The following HEPACAM2 variants were observed in gnomAD, a reference collection of about 807,000 sequenced individuals.
HEPACAM2 encodes the protein HEPACAM family member 2.
A neutral mutation model predicts 49.6 loss-of-function variants in HEPACAM2; 49 were observed. That is an observed-to-expected ratio of 0.99 (90% confidence interval 0.78 to 1.25). The LOEUF is 1.25. Ranked by LOEUF, HEPACAM2 falls within the 50% of genes most tolerant of loss-of-function variation. The probability of loss-of-function intolerance (pLI) is 0.00; values close to 1 mark genes in which losing one functional copy is unlikely to be tolerated. For synonymous variants in HEPACAM2, 197 were observed against 202.9 expected (o/e 0.97, Z 0.25); for missense variants, 525 against 557.2 (o/e 0.94, Z 0.58).
At chr7:93,210,448 AT>A (rs1187553290) in intron 3 of HEPACAM2, among the ~76,000 whole-genome samples, 2 of 152,002 alleles carry the variant, frequency 1.3e-5, no homozygotes, top group Non-Finnish European at 2.9e-5. Flanking sequence ...CTAAAAAGAA[AT>A]AAAGTATAAG....
chr7:93,202,156 G>A (rs946860761), intron 4 of HEPACAM2, among the ~76,000 whole-genome samples: 1 of 149,736 alleles, frequency 6.7e-6, no homozygotes, highest in African/African-American at 2.4e-5. Context: ...CGTATGATTT[G>A]GGCACCACTT....
At chr7:93,216,430 A>G (rs1794309699) in intron 2 of HEPACAM2, among the ~76,000 whole-genome samples, 1 of 152,228 alleles carries the variant, frequency 6.6e-6, no homozygotes, top group Admixed American at 6.5e-5. Flanking sequence ...TCATAGGAAA[A>G]TAGTCTTATT....
chr7:93,209,820 G>C (rs1021038329), intron 3 of HEPACAM2, among the ~76,000 whole-genome samples: 1 of 151,650 alleles, frequency 6.6e-6, no homozygotes, highest in Non-Finnish European at 1.5e-5. Flanking sequence ...ATTTATAAAA[G>C]ACATTGTTTC....
intron 7 of HEPACAM2, among the ~76,000 whole-genome samples, chr7:93,196,563 T>A (rs1427929784): frequency 6.6e-6 from 1 of 152,078 alleles, no homozygotes; most frequent in African/African-American, 2.4e-5. Context: ...GCACTCCACC[T>A]ATATCATTTT....
Position 93,226,424 on chromosome 7 carries a change from T to C in HEPACAM2, c.23A>G (p.Glu8Gly). The C allele has an allele frequency of 6.2e-7, 1 of 1,613,510 alleles. No individual in the cohort carries two copies. The highest frequency in any genetic ancestry group is 2.2e-5 in the East Asian group (1 of 44,876). ...GACCCCAAGTGTGTCACCGAAGGGC[T>C]CCATGAAAGCATCCTGTCCCATGCA... is the stretch of plus-strand genomic sequence containing the variant. MGQDAFMEPFGDTLGVFQ... is the reference protein window; with the variant it reads MGQDAFMGPFGDTLGVFQ... The change falls in exon 1 of 10, where the codon GAG becomes GGG. Residue 8 changes from glutamate to glycine, a missense_variant. Glu to Gly is a moderately conservative substitution (Grantham distance 98, BLOSUM62 -2). Transcript: ENST00000394468.
upstream of HEPACAM2, chr7:93,226,543 TC>T: frequency 2.3e-6 from 2 of 873,152 alleles, no homozygotes; most frequent in Non-Finnish European, 3.8e-6. Context: ...CTATCTTGCC[TC>T]TTGCTTCTGT....
rs1462785129 is a variant in HEPACAM2 at position 93,188,560 on chromosome 7, C to T, written c.*707G>A. On this transcript the variant is annotated 3_prime_UTR_variant, in exon 10 of 10. Coordinates refer to ENST00000394468, the MANE Select transcript of HEPACAM2 (RefSeq NM_001039372.4). ...CTGATTTTTATGTAATATTTTTACTCTACAAGACAAAGAATTAAGACCACA... is the reference window on the plus strand; with the variant it reads ...CTGATTTTTATGTAATATTTTTACTTTACAAGACAAAGAATTAAGACCACA... 1.3e-5 allele frequency: 2 copies of T among 151,894 alleles called. No individual in the cohort carries two copies. The highest frequency in any genetic ancestry group is 2.4e-5 in the African/African-American group (1 of 41,268). 9.4% of individuals were successfully genotyped at this position (151,894 alleles called of 1,614,324 possible).
At chr7:93,190,807 C>T (rs1227017982) in intron 9 of HEPACAM2, among the ~76,000 whole-genome samples, 2 of 151,152 alleles carry the variant, frequency 1.3e-5, no homozygotes, top group Non-Finnish European at 3.0e-5. Context: ...ACACGCAAAA[C>T]AACCCAATCA....
Position 93,208,703 on chromosome 7 carries a change from G to A in HEPACAM2, c.889C>T (p.Pro297Ser). 1.2e-6 allele frequency: 2 copies of A among 1,613,140 alleles called. No homozygotes were observed. Among genetic ancestry groups the A allele is most frequent in the African/African-American group, 2.7e-5 (2 of 74,944 alleles). ...DNTTYIIKHG[P>S]RLEVASEKVA... ...TTCTCAGATGCAACTTCTAAGCGAGGCCCATGCTTAATGATATATGTAGTA... is the reference window on the plus strand; with the variant it reads ...TTCTCAGATGCAACTTCTAAGCGAGACCCATGCTTAATGATATATGTAGTA... Residue 297 changes from proline (P) to serine (S), a missense_variant, in exon 4 of 10, where the codon CCT (proline) becomes TCT (serine). Transcript: ENST00000394468.
upstream of HEPACAM2, among the ~76,000 whole-genome samples, chr7:93,230,736 T>C (rs1794610948): frequency 6.6e-6 from 1 of 152,174 alleles, no homozygotes; most frequent in African/African-American, 2.4e-5. Flanking sequence ...TTAGAGAAGG[T>C]AAAGAATAAA....
chr7:93,189,592 G>T (rs1793489902), intron 9 of HEPACAM2, among the ~76,000 whole-genome samples: 1 of 151,816 alleles, frequency 6.6e-6, no homozygotes, highest in African/African-American at 2.4e-5. Context: ...AATACATCCA[G>T]CCATAAGTTC....
chr7:93,213,701 G>A (rs894963598), intron 3 of HEPACAM2, among the ~76,000 whole-genome samples: 2 of 152,056 alleles, frequency 1.3e-5, no homozygotes, highest in Non-Finnish European at 1.5e-5. Context: ...TGGGTTTGGG[G>A]TGTTCACAAG....
Position 93,219,333 on chromosome 7 carries a change from G to T in HEPACAM2, c.198C>A (p.Ile66=), listed in dbSNP as rs1398858973. 2 of 1,613,914 alleles carry T rather than the reference G, an allele frequency of 1.2e-6. No individual in the cohort carries two copies. Among genetic ancestry groups the T allele is most frequent in the African/African-American group, 1.3e-5 (1 of 74,916 alleles). Residue 66 remains isoleucine (I), a synonymous_variant, in exon 2 of 10, where the codon ATC becomes ATA. Coordinates refer to ENST00000394468, the MANE Select transcript of HEPACAM2 (RefSeq NM_001039372.4). ...TGTGGGGTCTCTCAAATAGCCATAT[G>T]ATCTGGATGTCTGATGCTGGAGTGT... ...GFHTPASDIQ[I]IWLFERPHTM...
chr7:93,227,894 G>A (rs1390616406), upstream of HEPACAM2, among the ~76,000 whole-genome samples: 1 of 152,080 alleles, frequency 6.6e-6, no homozygotes, highest in Admixed American at 6.6e-5. Context: ...TGGTATTTTT[G>A]TTAAGTTGTT....
At chr7:93,216,721 G>C (rs1794315733) in intron 2 of HEPACAM2, among the ~76,000 whole-genome samples, 1 of 152,208 alleles carries the variant, frequency 6.6e-6, no homozygotes, top group African/African-American at 2.4e-5. Context: ...GCATTTTGGA[G>C]AGAGGTGTAT....
At chr7:93,231,792 G>T in the HEPACAM2 span, among the ~76,000 whole-genome samples, 1 of 152,070 alleles carries the variant, frequency 6.6e-6, no homozygotes. Flanking sequence ...AAAATCCTTC[G>T]ATTTTAGAGC....
chr7:93,219,296 A>G lies in HEPACAM2; in HGVS notation c.235T>C (p.Tyr79His). 6.2e-7 allele frequency: 1 copy of G among 1,613,970 alleles called. No homozygotes were observed. Among genetic ancestry groups the G allele is most frequent in the Non-Finnish European group, 8.5e-7 (1 of 1,179,946 alleles). The change falls in exon 2 of 10, where the codon TAC becomes CAC. Residue 79 changes from tyrosine to histidine, a missense_variant. By Grantham distance (83) the Tyr-to-His change is moderately conservative. Coordinates refer to ENST00000394468, the MANE Select transcript of HEPACAM2 (RefSeq NM_001039372.4). ...GACTTATTCACAGAGCCCAGTAAGT[A>G]TTTGGGCATTGTGTGGGGTCTCTCA... ...LFERPHTMPK[Y>H]LLGSVNKSVV...
rs768234554 is a variant in HEPACAM2 at position 93,215,458 on chromosome 7, G to A, written c.658C>T (p.Leu220=). Reference sequence around the variant, plus strand: ...ATTTCACTGACAGGGTTCCTCACCAGGCAGCTGTAATTCCCAATGTCTTCC... The same window carrying A: ...ATTTCACTGACAGGGTTCCTCACCAAGCAGCTGTAATTCCCAATGTCTTCC... ...TKEDIGNYSC[L]VRNPVSEMES... Residue 220 remains leucine (L), a synonymous_variant, in exon 3 of 10, where the codon CTG becomes TTG. Transcript: ENST00000394468. 10 of 1,613,734 alleles carry A rather than the reference G, an allele frequency of 6.2e-6. No individual in the cohort carries two copies. In the Admixed American group the frequency reaches 1.0e-4, roughly 16 times the overall value.
chr7:93,227,516 C>T (rs1373845395), upstream of HEPACAM2, among the ~76,000 whole-genome samples: 1 of 152,140 alleles, frequency 6.6e-6, no homozygotes, highest in African/African-American at 2.4e-5. Context: ...ATGATAGTAA[C>T]TTTGGAATCC....
Sources: allele counts gnomAD v4.1 joint callset (sites outside exome capture counted in the v4.1 genomes callset), GRCh38; gene constraint gnomAD v4.1.1; transcripts MANE v1.5; gene names NCBI Gene and HGNC (gene_info 2026-07-23, HGNC 2026-07-21).